The following STIM2 variants were observed in gnomAD, a reference collection of about 807,000 sequenced individuals.
STIM2 encodes stromal interaction molecule 2.
STIM2 carries 31 observed loss-of-function variants against 85.8 expected under a neutral mutation model. The observed-to-expected ratio is 0.36, with a 90% CI of 0.27 to 0.49. The LOEUF is 0.49. STIM2 is among the 20% of genes least tolerant of loss of function. The pLI is 0.98. For missense variants in STIM2, 841 were observed against 927.6 expected, an observed-to-expected ratio of 0.91 and a Z score of 1.21; for synonymous variants, 356 against 331.1, an observed-to-expected ratio of 1.08 and a Z score of -0.82.
At chr4:26,927,670 T>TA (rs1260608772) in intron 2 of STIM2, among the ~76,000 whole-genome samples, 1 of 38,202 alleles carries the variant, frequency 2.6e-5, no homozygotes, top group Non-Finnish European at 4.8e-5. Flanking sequence ...CCCTAAAACT[T>TA]AGAGTATAAT....
chr4:26,961,184 C>T (rs1577464573), intron 3 of STIM2, among the ~76,000 whole-genome samples: 1 of 152,002 alleles, frequency 6.6e-6, no homozygotes, highest in South Asian at 2.1e-4. Flanking sequence ...AAGACAAGGG[C>T]AAAGTGCATG....
intron 1 of STIM2, among the ~76,000 whole-genome samples, chr4:26,880,657 A>G (rs1370172224): frequency 6.8e-6 from 1 of 146,960 alleles, no homozygotes; most frequent in African/African-American, 2.5e-5. Context: ...ATATATATAT[A>G]AATATATATG....
chr4:26,915,400 AATTTTTGT>A (rs1396767817), intron 1 of STIM2, among the ~76,000 whole-genome samples: 1 of 151,872 alleles, frequency 6.6e-6, no homozygotes, highest in African/African-American at 2.4e-5. Flanking sequence ...ATGCCCGGCT[AATTTTTGT>A]ATTTTTCGTA....
chr4:26,999,414 G>A, intron 5 of STIM2, 67 bp downstream of exon 5: 4 of 984,546 alleles, frequency 4.1e-6, no homozygotes, highest in Admixed American at 2.9e-5. Flanking sequence ...TGTTATTTAA[G>A]GAAAGAGAAA....
At chr4:26,995,246 A>G (rs1281644578) in intron 3 of STIM2, 133 bp from the exon 4 acceptor site, 1 of 466,074 alleles carries the variant, frequency 2.1e-6, no homozygotes. Context: ...AGAGTGCTAG[A>G]TACAGTTTTG....
intron 11 of STIM2, 39 bp from the exon 12 acceptor site, chr4:27,022,480 C>T (rs1423494553): frequency 6.7e-7 from 1 of 1,502,678 alleles, no homozygotes; most frequent in Non-Finnish European, 9.0e-7. Flanking sequence ...TAAGAACATA[C>T]TGATTTAAAA....
intron 2 of STIM2, among the ~76,000 whole-genome samples, chr4:26,927,722 A>T (rs1725017583): frequency 7.3e-6 from 1 of 137,912 alleles, no homozygotes; most frequent in Non-Finnish European, 1.5e-5. Flanking sequence ...AATAAAAAAA[A>T]AAACTGACTG....
chr4:27,005,649 T>G (rs1046737332), intron 7 of STIM2, among the ~76,000 whole-genome samples: 1 of 152,210 alleles, frequency 6.6e-6, no homozygotes, highest in Non-Finnish European at 1.5e-5. Context: ...TTAGATCAAA[T>G]GAAACATTCA....
chr4:26,953,868 G>A (rs1186711546), intron 2 of STIM2, among the ~76,000 whole-genome samples: 1 of 152,098 alleles, frequency 6.6e-6, no homozygotes, highest in Non-Finnish European at 1.5e-5. Flanking sequence ...TGGCCAAGTG[G>A]TCCAGTTTTT....
At chr4:26,990,736 C>T (rs755016456) in intron 3 of STIM2, among the ~76,000 whole-genome samples, 8 of 151,934 alleles carry the variant, frequency 5.3e-5, no homozygotes, top group Non-Finnish European at 7.4e-5. Context: ...TCAAACAGCT[C>T]AATAGCAGAA....
chr4:26,865,053 A>G (rs138790037), intron 1 of STIM2, among the ~76,000 whole-genome samples: 1 of 152,310 alleles, frequency 6.6e-6, no homozygotes, highest in African/African-American at 2.4e-5. Context: ...GTGGATTCAG[A>G]TAGCCTGAGA....
intron 3 of STIM2, among the ~76,000 whole-genome samples, chr4:26,969,847 T>C (rs1253118448): frequency 1.3e-5 from 2 of 152,132 alleles, no homozygotes; most frequent in South Asian, 2.1e-4. Context: ...ATATTAAGTA[T>C]GGGAGGCTGA....
intron 2 of STIM2, among the ~76,000 whole-genome samples, chr4:26,927,928 A>G (rs1255068390): frequency 1.3e-5 from 2 of 150,112 alleles, no homozygotes; most frequent in East Asian, 1.9e-4. Context: ...TGGTGCTGCT[A>G]TAGCAGGGTA....
chr4:26,946,979 C>G (rs1272954756), intron 2 of STIM2, among the ~76,000 whole-genome samples: 1 of 152,126 alleles, frequency 6.6e-6, no homozygotes, highest in Non-Finnish European at 1.5e-5. Flanking sequence ...AATAGAATAC[C>G]TGAATTCAAG....
At position 27,003,811 on chromosome 4, in the gene STIM2, G is replaced by T. The variant is rs1200014384; in HGVS notation, c.981+707G>T. 2.0e-5 allele frequency among the ~76,000 whole-genome samples: 3 copies of T among 152,102 alleles called. No individual in the cohort carries two copies. In the South Asian group the frequency reaches 6.2e-4, roughly 32 times the overall value. ...CTCTGCAGGCTGTAGGGGAGGACGT[G>T]TTTCCTTGCCTTCTCCACTGGTAAA... On this transcript the variant is annotated intron_variant, in intron 7 of 11. Coordinates refer to ENST00000467087, the MANE Select transcript of STIM2 (RefSeq NM_020860.4).
chr4:26,951,728 C>A (rs978144491), intron 2 of STIM2, among the ~76,000 whole-genome samples: 1 of 152,068 alleles, frequency 6.6e-6, no homozygotes, highest in Non-Finnish European at 1.5e-5. Flanking sequence ...CTTACCTCTA[C>A]TTAAAGTGAA....
At position 27,017,889 on chromosome 4, in the gene STIM2, C is replaced by T. The variant is rs570737957; in HGVS notation, c.1668C>T (p.Ser556=). 27 of 1,614,150 alleles carry T rather than the reference C, an allele frequency of 1.7e-5. No individual in the cohort carries two copies. In the African/African-American group the frequency reaches 2.0e-4, roughly 12 times the overall value. ...AACACACACCACACTCCTTGCCTTC[C>T]CCTGATCCAGATATCCTCTCAGTGT... Residue 556 remains serine (S), a synonymous_variant, in exon 11 of 12, where the codon TCC becomes TCT. Coordinates refer to ENST00000467087, the MANE Select transcript of STIM2 (RefSeq NM_020860.4).
chr4:26,877,646 G>A lies in STIM2; in HGVS notation c.151+16277G>A, dbSNP rs938613759. ...GTTGAGTTAGTTTTGTCACTGCTTG[G>A]GCTGGTTATGGCTCTGTTGTTACTA... On this transcript the variant is annotated intron_variant, in intron 1 of 11. Coordinates refer to ENST00000467087, the MANE Select transcript of STIM2 (RefSeq NM_020860.4). Among the ~76,000 whole-genome samples, 4 of 151,808 alleles carry A rather than the reference G, an allele frequency of 2.6e-5. No homozygotes were observed. The East Asian group carries it at 5.8e-4, about 22-fold the overall frequency.
intron 1 of STIM2, among the ~76,000 whole-genome samples, chr4:26,863,347 C>T (rs1722288865): frequency 6.6e-6 from 1 of 152,068 alleles, no homozygotes; most frequent in African/African-American, 2.4e-5. Flanking sequence ...TTAAACGTTT[C>T]CACTTAAAGT....
Sources: allele counts gnomAD v4.1 joint callset (sites outside exome capture counted in the v4.1 genomes callset), GRCh38; gene constraint gnomAD v4.1.1; transcripts MANE v1.5; gene names NCBI Gene and HGNC (gene_info 2026-07-23, HGNC 2026-07-21).